Variants in SHANK2 observed in about 807,000 individuals in gnomAD.
The protein encoded by SHANK2 is SH3 and multiple ankyrin repeat domains 2, also known as SH3 and multiple ankyrin repeat domains protein 2.
Under a neutral mutation model 133.7 loss-of-function variants are expected in SHANK2, and 43 were observed. The observed-to-expected ratio is 0.32, with a 90% CI of 0.25 to 0.41. SHANK2 has a LOEUF of 0.41. Ranked by LOEUF, SHANK2 falls within the 10% of genes least tolerant of loss-of-function variation. The pLI is 1.00. For missense variants in SHANK2, 1,994 were observed against 2,235.8 expected, an observed-to-expected ratio of 0.89 and a Z score of 2.18; for synonymous variants, 1,017 against 952.8, an observed-to-expected ratio of 1.07 and a Z score of -1.24.
At position 70,659,312 on chromosome 11, in the gene SHANK2, C is replaced by T. The variant is rs933353185; in HGVS notation, c.2061+516G>A. Among the ~76,000 whole-genome samples the T allele has an allele frequency of 5.3e-5, 8 of 152,260 alleles. No individual in the cohort carries two copies. In the South Asian group the frequency reaches 1.0e-3, roughly 20 times the overall value. On this transcript the variant is annotated intron_variant, in intron 17 of 25. Transcript: ENST00000601538. ...ATCGACACCAGCCATCCCTCTTGCC[C>T]GGGCTCCTTGGTCTTGGAAGGCCAT...
intron 17 of SHANK2, among the ~76,000 whole-genome samples, chr11:70,605,549 C>T (rs1554992082): frequency 2.0e-5 from 3 of 152,226 alleles, no homozygotes; most frequent in Admixed American, 1.3e-4. Context: ...TCTTAATGGC[C>T]GGCTGCCTCC....
At chr11:70,532,806 G>A (rs1322959864) in intron 17 of SHANK2, among the ~76,000 whole-genome samples, 14 of 152,122 alleles carry the variant, frequency 9.2e-5, no homozygotes, top group Admixed American at 2.6e-4. Flanking sequence ...CGACACGTGC[G>A]CATGAGTGTC....
intron 9 of SHANK2, among the ~76,000 whole-genome samples, chr11:71,064,303 G>C (rs1453223199): frequency 6.6e-6 from 1 of 152,212 alleles, no homozygotes; most frequent in Non-Finnish European, 1.5e-5. Context: ...CGGCTGGCTG[G>C]GCAAGCTGAG....
chr11:70,941,404 C>T (rs973188040), intron 10 of SHANK2, among the ~76,000 whole-genome samples: 10 of 152,204 alleles, frequency 6.6e-5, no homozygotes, highest in African/African-American at 9.6e-5. Flanking sequence ...AGAAGCATTA[C>T]GGTAAACTGA....
At chr11:70,940,903 A>C (rs1318620013) in intron 10 of SHANK2, among the ~76,000 whole-genome samples, 1 of 152,216 alleles carries the variant, frequency 6.6e-6, no homozygotes, top group Non-Finnish European at 1.5e-5. Context: ...TCCTTTAGTC[A>C]TAAAATATCT....
Position 70,529,298 on chromosome 11 carries a change from C to T in SHANK2, c.2062-26367G>A, listed in dbSNP as rs144833143. ...CCTGTCAGCAGCCACTACTGCATCCCCATCTTCCAGATGGGAGGCTGGGCC... is the reference window on the plus strand; with the variant it reads ...CCTGTCAGCAGCCACTACTGCATCCTCATCTTCCAGATGGGAGGCTGGGCC... On this transcript the variant is annotated intron_variant, in intron 17 of 25. Coordinates refer to ENST00000601538, the MANE Select transcript of SHANK2 (RefSeq NM_012309.5). 2.0e-5 allele frequency among the ~76,000 whole-genome samples: 3 copies of T among 152,350 alleles called. No homozygotes were observed. The East Asian group carries it at 5.8e-4, about 29-fold the overall frequency.
intron 2 of SHANK2, among the ~76,000 whole-genome samples, chr11:71,150,975 G>A (rs1391916372): frequency 5.3e-5 from 8 of 152,166 alleles, no homozygotes; most frequent in South Asian, 2.1e-4. Context: ...ACAGGCTCCC[G>A]CCTCCTGAGC....
intron 21 of SHANK2, among the ~76,000 whole-genome samples, chr11:70,494,532 G>A (rs1309382459): frequency 1.3e-5 from 2 of 152,266 alleles, no homozygotes; most frequent in East Asian, 3.9e-4. Context: ...GACCTCAAGT[G>A]ATGTGCCCGC....
At chr11:70,894,148 C>T (rs1194081466) in intron 11 of SHANK2, among the ~76,000 whole-genome samples, 4 of 152,264 alleles carry the variant, frequency 2.6e-5, no homozygotes, top group Non-Finnish European at 4.4e-5. Flanking sequence ...GAAATCAACT[C>T]GGTGCTTCAA....
chr11:70,702,026 CCAT>C lies in SHANK2; in HGVS notation c.1778-3266_1778-3264del, dbSNP rs569696776. ...ATCATCATCATCAGCATCACCATTA[CCAT>C]CATCATCACCACCACCACCATCTTC... On this transcript the variant is annotated intron_variant, in intron 14 of 25. Coordinates refer to ENST00000601538, the MANE Select transcript of SHANK2 (RefSeq NM_012309.5). Among the ~76,000 whole-genome samples the C allele has an allele frequency of 2.6e-4, 39 of 151,352 alleles. No individual in the cohort carries two copies. In the South Asian group the frequency reaches 3.0e-3, roughly 12 times the overall value.
At chr11:70,925,933 T>G (rs1950421442) in intron 10 of SHANK2, among the ~76,000 whole-genome samples, 1 of 152,240 alleles carries the variant, frequency 6.6e-6, no homozygotes, top group Admixed American at 6.5e-5. Context: ...TAGTTTTATG[T>G]GTACTCTTGA....
chr11:71,081,568 G>A (rs1951301736), intron 8 of SHANK2, among the ~76,000 whole-genome samples: 1 of 152,158 alleles, frequency 6.6e-6, no homozygotes, highest in Admixed American at 6.5e-5. Context: ...AGAGGGTGGG[G>A]TGCTGGTCTC....
At chr11:70,634,872 A>C (rs1456402096) in intron 17 of SHANK2, 2 of 152,238 alleles carry the variant, frequency 1.3e-5, no homozygotes, top group African/African-American at 4.8e-5. Context: ...TAAATAAATA[A>C]ATAAAAATGG....
rs142249526 is a variant in SHANK2, at chr11:71,193,777, G to T, written c.-13+30920C>A. Reference sequence around the variant, plus strand: ...GGAGGCCCAGGTCCAGACAGGGTGGGTTACCTCTGCAGGCACAGATTGTTC... The same window carrying T: ...GGAGGCCCAGGTCCAGACAGGGTGGTTTACCTCTGCAGGCACAGATTGTTC... On this transcript the variant is annotated intron_variant, in intron 2 of 25. Transcript: ENST00000601538. 4.8e-3 allele frequency among the ~76,000 whole-genome samples: 737 copies of T among 152,206 alleles called. 5 individuals carry two copies. Among genetic ancestry groups the T allele is most frequent in the African/African-American group, 0.017 (696 of 41,536 alleles).
chr11:70,675,851 C>G (rs886483955), intron 15 of SHANK2, among the ~76,000 whole-genome samples: 1 of 152,126 alleles, frequency 6.6e-6, no homozygotes, highest in African/African-American at 2.4e-5. Flanking sequence ...AGGCCCCACA[C>G]CTAAAAATGG....
At chr11:71,129,130 G>A (rs1952245920) in intron 3 of SHANK2, among the ~76,000 whole-genome samples, 1 of 152,184 alleles carries the variant, frequency 6.6e-6, no homozygotes, top group African/African-American at 2.4e-5. Context: ...AGTAAACGTG[G>A]ATGGCATTGA....
At chr11:70,638,522 T>C (rs181066854) in intron 17 of SHANK2, among the ~76,000 whole-genome samples, 191 of 152,236 alleles carry the variant, frequency 1.3e-3, no homozygotes, top group African/African-American at 4.4e-3. Context: ...AAAGAATGAG[T>C]TGTAACAGCC....
At chr11:71,100,409 G>A (rs1555096413) in intron 6 of SHANK2, among the ~76,000 whole-genome samples, 2 of 152,238 alleles carry the variant, frequency 1.3e-5, no homozygotes, top group East Asian at 3.8e-4. Context: ...CATTGCACAT[G>A]CAGACAACAA....
intron 9 of SHANK2, among the ~76,000 whole-genome samples, chr11:71,066,698 T>G (rs1951067667): frequency 6.6e-6 from 1 of 152,148 alleles, no homozygotes; most frequent in South Asian, 2.1e-4. Context: ...TAAGCTATCT[T>G]TTGAAATAAG....
Sources: gnomAD v4.1 joint callset for allele counts (sites outside exome capture counted in the v4.1 genomes callset) on GRCh38, gnomAD v4.1.1 for gene constraint, MANE v1.5 for transcripts, NCBI Gene and HGNC (gene_info 2026-07-23, HGNC 2026-07-21) for gene names.